The following WDR41 variants were observed in gnomAD, a reference collection of about 807,000 sequenced individuals.
WDR41 encodes WD repeat domain 41.
A neutral mutation model predicts 69.3 loss-of-function variants in WDR41; 63 were observed. The observed-to-expected ratio is 0.91, with a 90% CI of 0.74 to 1.12. The LOEUF (loss-of-function observed/expected upper bound fraction) is 1.12. Among genes scored for constraint, WDR41 ranks in the 50% most tolerant of loss-of-function variants. The pLI, the probability that WDR41 is intolerant of heterozygous loss-of-function variation, is 0.00. For missense variants in WDR41, 543 were observed against 534.5 expected (o/e 1.02, Z -0.16); for synonymous variants, 185 against 192.1 (o/e 0.96, Z 0.31).
intron 12 of WDR41, among the ~76,000 whole-genome samples, chr5:77,435,394 T>C (rs994011019): frequency 2.6e-5 from 4 of 152,204 alleles, no homozygotes; most frequent in African/African-American, 9.7e-5. Context: ...ATTAGGTCTA[T>C]ACCCCTTCTC....
chr5:77,460,118 C>T (rs944508799), intron 4 of WDR41, among the ~76,000 whole-genome samples: 1 of 152,176 alleles, frequency 6.6e-6, no homozygotes, highest in Non-Finnish European at 1.5e-5. Context: ...TGCTGCTGCC[C>T]AGCACTGGGA....
At chr5:77,541,661 T>C (rs952141335) in intron 1 of WDR41, among the ~76,000 whole-genome samples, 15 of 152,030 alleles carry the variant, frequency 9.9e-5, no homozygotes, top group Non-Finnish European at 1.9e-4. Context: ...CCAGGCTAAT[T>C]TTTGTATTTT....
intron 1 of WDR41, among the ~76,000 whole-genome samples, chr5:77,503,691 G>A (rs573476227): frequency 1.9e-3 from 282 of 152,252 alleles, no homozygotes; most frequent in Non-Finnish European, 3.5e-3. Context: ...AGACCACAGT[G>A]CAATCAAATT....
upstream of WDR41, among the ~76,000 whole-genome samples, chr5:77,494,866 T>C (rs1439543603): frequency 1.3e-5 from 2 of 152,144 alleles, no homozygotes; most frequent in Non-Finnish European, 2.9e-5. Context: ...CTCAAGCACA[T>C]GTAAGACATT....
intron 1 of WDR41, among the ~76,000 whole-genome samples, chr5:77,579,565 A>G (rs1406465753): frequency 2.0e-5 from 3 of 152,310 alleles, no homozygotes; most frequent in East Asian, 3.9e-4. Context: ...CAAGAATCCT[A>G]TATACAGCAA....
At chr5:77,514,624 G>T (rs1254005374) in intron 1 of WDR41, among the ~76,000 whole-genome samples, 2 of 152,146 alleles carry the variant, frequency 1.3e-5, no homozygotes, top group African/African-American at 4.8e-5. Flanking sequence ...TAGAGTAATG[G>T]TCAGTTAATG....
rs6870549 is a variant in WDR41, at chr5:77,444,332, T to C, written c.698-3335A>G. The stretch of plus-strand genomic sequence containing the variant: ...AGCCACTTAGTATGAAAATCTCACC[T>C]GGTATCTGTCTATCCATCCCTCACA... On this transcript the variant is annotated intron_variant, in intron 8 of 12. Transcript: ENST00000296679. 3.3e-3 allele frequency among the ~76,000 whole-genome samples: 500 copies of C among 152,362 alleles called. 4 individuals carry two copies. The highest frequency in any genetic ancestry group is 0.011 in the African/African-American group (469 of 41,572).
At chr5:77,478,161 T>G (rs926398115) in intron 2 of WDR41, among the ~76,000 whole-genome samples, 86 of 152,202 alleles carry the variant, frequency 5.7e-4, no homozygotes, top group Non-Finnish European at 9.4e-4. Context: ...AATAACAGGA[T>G]CTGAAATTGT....
chr5:77,568,926 G>T (rs886652868), intron 1 of WDR41, among the ~76,000 whole-genome samples: 1 of 152,082 alleles, frequency 6.6e-6, no homozygotes, highest in African/African-American at 2.4e-5. Flanking sequence ...AAATTGTTTT[G>T]TATTCATTTC....
chr5:77,576,141 C>T (rs1308924640), intron 1 of WDR41, among the ~76,000 whole-genome samples: 2 of 152,084 alleles, frequency 1.3e-5, no homozygotes, highest in Non-Finnish European at 2.9e-5. Flanking sequence ...ACAAAACGCA[C>T]CCTTACTCTC....
chr5:77,556,417 G>T (rs989145783), intron 1 of WDR41, among the ~76,000 whole-genome samples: 1 of 152,028 alleles, frequency 6.6e-6, no homozygotes, highest in Non-Finnish European at 1.5e-5. Context: ...CTGACTGTTT[G>T]TTTGTTTTGA....
At chr5:77,518,915 A>T (rs1484735182) in intron 1 of WDR41, among the ~76,000 whole-genome samples, 1 of 151,922 alleles carries the variant, frequency 6.6e-6, no homozygotes. Context: ...TTTCTTTGCG[A>T]CCTCCAATAA....
Position 77,431,412 on chromosome 5 carries a change from T to C in WDR41, c.*1723A>G, listed in dbSNP as rs1029618233. ...TTAAGGTATGTACATTTTTTAGAAA[T>C]TTAAGACTGTAGTATAAACACAAGT... On this transcript the variant is annotated 3_prime_UTR_variant, in exon 13 of 13. Coordinates refer to ENST00000296679, the MANE Select transcript of WDR41 (RefSeq NM_018268.4). 6.6e-6 allele frequency: 1 copy of C among 152,188 alleles called. No homozygotes were observed. The highest frequency in any genetic ancestry group is 2.4e-5 in the African/African-American group (1 of 41,454). The allele number at this position is 152,188 out of a possible 1,614,324, so 9.4% of individuals were successfully genotyped here.
At chr5:77,442,226 G>GT (rs1456309828) in intron 8 of WDR41, among the ~76,000 whole-genome samples, 2 of 152,070 alleles carry the variant, frequency 1.3e-5, no homozygotes, top group Non-Finnish European at 2.9e-5. Flanking sequence ...GTACAAGGTT[G>GT]TTACATACAT....
chr5:77,516,357 C>T (rs948418246), intron 1 of WDR41, among the ~76,000 whole-genome samples: 6 of 152,054 alleles, frequency 3.9e-5, no homozygotes, highest in African/African-American at 1.2e-4. Flanking sequence ...TGGTAAATAA[C>T]GCATGAATAT....
chr5:77,481,673 T>A (rs541944134), intron 2 of WDR41, among the ~76,000 whole-genome samples: 6 of 151,302 alleles, frequency 4.0e-5, no homozygotes, highest in African/African-American at 1.5e-4. Context: ...TAGTCCCAGC[T>A]ACTCGGGAGG....
At chr5:77,562,087 T>C (rs540329903) in intron 1 of WDR41, among the ~76,000 whole-genome samples, 34 of 152,326 alleles carry the variant, frequency 2.2e-4, no homozygotes, top group African/African-American at 7.9e-4. Context: ...TTTGTTTGGA[T>C]TGAGATGGCA....
In WDR41 at chr5:77,492,240, T is replaced by G; in HGVS notation, c.-20A>C. ...CAACATCCGGGCAGCGGCGGCGTCTTGCCCGGTCCAGCCCCAGTCAGCCCA... is the reference window on the plus strand; with the variant it reads ...CAACATCCGGGCAGCGGCGGCGTCTGGCCCGGTCCAGCCCCAGTCAGCCCA... On this transcript the variant is annotated 5_prime_UTR_variant, in exon 1 of 13. Transcript: ENST00000296679. 6.2e-7 allele frequency: 1 copy of G among 1,612,272 alleles called. No homozygotes were observed. The highest frequency in any genetic ancestry group is 8.5e-7 in the Non-Finnish European group (1 of 1,179,548).
chr5:77,492,133 G>C, intron 1 of WDR41, 37 bp downstream of exon 1: 1 of 1,601,144 alleles, frequency 6.2e-7, no homozygotes, highest in African/African-American at 1.3e-5. Context: ...CCTCCAGCAA[G>C]CTCGACGGAC....
Sources: gnomAD v4.1 joint callset for allele counts (sites outside exome capture counted in the v4.1 genomes callset) on GRCh38, gnomAD v4.1.1 for gene constraint, MANE v1.5 for transcripts, NCBI Gene and HGNC (gene_info 2026-07-23, HGNC 2026-07-21) for gene names.